Variants in ABCD2 observed in about 807,000 individuals in gnomAD.
The protein encoded by ABCD2 is ATP-binding cassette sub-family D member 2.
Under a neutral mutation model 70.9 loss-of-function variants are expected in ABCD2, and 36 were observed. The ratio of observed to expected loss-of-function variants is 0.51; its 90% confidence interval spans 0.39 to 0.67. The LOEUF (loss-of-function observed/expected upper bound fraction) is 0.67. Among genes scored for constraint, ABCD2 ranks in the 30% least tolerant of loss-of-function variants. The pLI, the probability that ABCD2 is intolerant of heterozygous loss-of-function variation, is 0.00. For missense variants in ABCD2, 729 were observed against 890.2 expected (o/e 0.82, Z 2.30); for synonymous variants, 304 against 306.9 (o/e 0.99, Z 0.10).
At chr12:39,548,246 A>G (rs2120492313), downstream of ABCD2, among the ~76,000 whole-genome samples, 1 of 152,244 alleles carries the variant, frequency 6.6e-6, no homozygotes, top group Admixed American at 6.5e-5. Flanking sequence ...AACCGAGCAC[A>G]TTTAAGGTAG....
At chr12:39,544,661 C>T in the ABCD2 span, among the ~76,000 whole-genome samples, 29 of 152,270 alleles carry the variant, frequency 1.9e-4, no homozygotes, top group Admixed American at 1.8e-3. Context: ...GGTTTTATAA[C>T]ACCTTAATCT....
chr12:39,593,027 C>G (rs1278121755), intron 6 of ABCD2, among the ~76,000 whole-genome samples: 1 of 152,072 alleles, frequency 6.6e-6, no homozygotes, highest in Non-Finnish European at 1.5e-5. Context: ...TTAACAGCAC[C>G]CTTTCTGTCC....
At chr12:39,535,297 T>A in the ABCD2 span, among the ~76,000 whole-genome samples, 2 of 152,242 alleles carry the variant, frequency 1.3e-5, no homozygotes, top group Non-Finnish European at 2.9e-5. Flanking sequence ...GGAAACTACA[T>A]ATTTAAACAA....
intron 9 of ABCD2, among the ~76,000 whole-genome samples, chr12:39,569,551 A>G (rs1447021444): frequency 6.6e-6 from 1 of 152,096 alleles, no homozygotes; most frequent in Non-Finnish European, 1.5e-5. Context: ...AGGAAAGGGA[A>G]TTCCCTGACC....
chr12:39,593,275 T>C (rs747974340), intron 6 of ABCD2, among the ~76,000 whole-genome samples: 7 of 152,156 alleles, frequency 4.6e-5, no homozygotes, highest in Non-Finnish European at 7.4e-5. Context: ...TCTTTTGAGA[T>C]AGCATCTCAC....
At chr12:39,539,320 T>A in the ABCD2 span, among the ~76,000 whole-genome samples, 2 of 152,214 alleles carry the variant, frequency 1.3e-5, no homozygotes, top group East Asian at 3.8e-4. Flanking sequence ...GGCAGGAGCT[T>A]TTGCCAGGGT....
intron 3 of ABCD2, among the ~76,000 whole-genome samples, chr12:39,606,298 G>GA (rs1941968370): frequency 6.6e-6 from 1 of 152,126 alleles, no homozygotes; most frequent in Admixed American, 6.5e-5. Context: ...CTCTACAAAG[G>GA]AAACTTGGTC....
chr12:39,603,039 T>C (rs1368707747), intron 5 of ABCD2, among the ~76,000 whole-genome samples: 3 of 152,128 alleles, frequency 2.0e-5, no homozygotes, highest in African/African-American at 7.2e-5. Flanking sequence ...AAAAATACAA[T>C]TTCTTTAAAT....
chr12:39,531,383 G>T, the ABCD2 span, among the ~76,000 whole-genome samples: 1 of 152,152 alleles, frequency 6.6e-6, no homozygotes, highest in Non-Finnish European at 1.5e-5. Context: ...CTCATGGATG[G>T]GATTAATGCC....
At chr12:39,557,034 T>C (rs112813920) in intron 9 of ABCD2, among the ~76,000 whole-genome samples, 2,357 of 150,804 alleles carry the variant, frequency 0.016, 74 homozygotes, top group African/African-American at 0.053. Flanking sequence ...TGGAACTGGG[T>C]AACAGGCAGA....
At chr12:39,543,858 C>T in the ABCD2 span, among the ~76,000 whole-genome samples, 3 of 152,286 alleles carry the variant, frequency 2.0e-5, no homozygotes, top group Admixed American at 6.5e-5. Flanking sequence ...ACACTGAGCA[C>T]TAGTTCAGTA....
chr12:39,568,968 GCCTGTTCATT>G (rs1054122646), intron 9 of ABCD2, among the ~76,000 whole-genome samples: 1 of 152,150 alleles, frequency 6.6e-6, no homozygotes, highest in Non-Finnish European at 1.5e-5. Flanking sequence ...CAATGTTGCT[GCCTGTTCATT>G]CCTCTGGAAT....
At chr12:39,581,154 TG>T (rs1400638993) in intron 7 of ABCD2, among the ~76,000 whole-genome samples, 1 of 152,110 alleles carries the variant, frequency 6.6e-6, no homozygotes, top group African/African-American at 2.4e-5. Flanking sequence ...GGTTGCCTGA[TG>T]GGGATAGGTG....
At position 39,553,782 on chromosome 12, in the gene ABCD2, G is replaced by T; in HGVS notation, c.*130C>A. On this transcript the variant is annotated 3_prime_UTR_variant, in exon 10 of 10. Transcript: ENST00000308666. Reference sequence around the variant, plus strand: ...AAGTCAGATCATATACTTCCTTAATGCTAAAATCTTATAAAACATGTCTTG... The same window carrying T: ...AAGTCAGATCATATACTTCCTTAATTCTAAAATCTTATAAAACATGTCTTG... The T allele has an allele frequency of 1.5e-6, 1 of 680,972 alleles. No homozygotes were observed. The highest frequency in any genetic ancestry group is 2.4e-6 in the Non-Finnish European group (1 of 415,068). 42.2% of individuals were successfully genotyped at this position (680,972 alleles called of 1,614,324 possible).
At chr12:39,607,448 T>C (rs1941983704) in intron 3 of ABCD2, 151 bp downstream of exon 3, 2 of 607,142 alleles carry the variant, frequency 3.3e-6, no homozygotes, top group Non-Finnish European at 5.8e-6. Flanking sequence ...ATTACACTTG[T>C]GAATTGCTGC....
chr12:39,573,137 A>C (rs1367214680), intron 9 of ABCD2, among the ~76,000 whole-genome samples: 1 of 152,126 alleles, frequency 6.6e-6, no homozygotes, highest in South Asian at 2.1e-4. Context: ...CTCAACTATT[A>C]TGATGATGAT....
At chr12:39,578,814 C>G (rs1216033184) in intron 8 of ABCD2, among the ~76,000 whole-genome samples, 1 of 151,854 alleles carries the variant, frequency 6.6e-6, no homozygotes, top group East Asian at 1.9e-4. Context: ...GTTTAATAGG[C>G]TGCTGAATGG....
At chr12:39,569,103 G>A (rs570798040) in intron 9 of ABCD2, among the ~76,000 whole-genome samples, 44 of 152,320 alleles carry the variant, frequency 2.9e-4, no homozygotes, top group Admixed American at 3.9e-4. Flanking sequence ...CAGTCTGTCC[G>A]TTCTCAGATC....
chr12:39,610,406 ATG>A (rs1413091489), intron 2 of ABCD2, among the ~76,000 whole-genome samples: 2 of 152,208 alleles, frequency 1.3e-5, no homozygotes, highest in Non-Finnish European at 2.9e-5. Flanking sequence ...GAAGCAAAAG[ATG>A]TGATTACATA....
Sources: allele counts gnomAD v4.1 joint callset (sites outside exome capture counted in the v4.1 genomes callset), GRCh38; gene constraint gnomAD v4.1.1; transcripts MANE v1.5; gene names NCBI Gene and HGNC (gene_info 2026-07-23, HGNC 2026-07-21).